Variants in RASA2 observed in about 807,000 individuals in gnomAD.
The protein encoded by RASA2 is RAS p21 protein activator 2, also known as ras GTPase-activating protein 2.
A neutral mutation model predicts 118.2 loss-of-function variants in RASA2; 155 were observed. The ratio of observed to expected loss-of-function variants is 1.31; its 90% CI spans 1.15 to 1.50. The LOEUF (loss-of-function observed/expected upper bound fraction) is 1.50. Ranked by LOEUF, RASA2 falls within the 40% of genes most tolerant of loss-of-function variation. RASA2 has a pLI of 0.00. For synonymous variants in RASA2, 353 were observed against 349.1 expected (o/e 1.01, Z -0.12); for missense variants, 1,016 against 1,009.6 (o/e 1.01, Z -0.09).
At chr3:141,565,655 C>T (rs1430695195) in intron 9 of RASA2, among the ~76,000 whole-genome samples, 21 of 152,202 alleles carry the variant, frequency 1.4e-4, no homozygotes. Flanking sequence ...TCTTTGTCTT[C>T]TGCCATGATT....
intron 5 of RASA2, among the ~76,000 whole-genome samples, chr3:141,549,515 T>TGTGTG (rs2082541404): frequency 7.8e-6 from 1 of 127,560 alleles, no homozygotes; most frequent in African/African-American, 3.3e-5. Context: ...GTGTGTGTGT[T>TGTGTG]TGCAATTCTC....
At chr3:141,512,789 G>A (rs1303088249) in intron 2 of RASA2, among the ~76,000 whole-genome samples, 1 of 152,178 alleles carries the variant, frequency 6.6e-6, no homozygotes, top group Non-Finnish European at 1.5e-5. Flanking sequence ...GAGGCCGGGC[G>A]TGGTGGCTCA....
At position 141,609,502 on chromosome 3, in the gene RASA2, C is replaced by T; in HGVS notation, c.2308C>T (p.Leu770Phe). The change falls in exon 22 of 24, where the codon CTT becomes TTT. Residue 770 changes from leucine (L) to phenylalanine (F), a missense_variant. Coordinates refer to ENST00000286364, the MANE Select transcript of RASA2 (RefSeq NM_006506.5). The part of the protein sequence containing the change: ...RIYSLFTLSL[L>F]KLQKMEEACG... Reference sequence around the variant, plus strand: ...TTATTCCCTTTTTACCCTCAGTTTACTTAAGCTGCAGAAGATGGAAGGTAA... The same window carrying T: ...TTATTCCCTTTTTACCCTCAGTTTATTTAAGCTGCAGAAGATGGAAGGTAA... 2 of 1,591,856 alleles carry T rather than the reference C, an allele frequency of 1.3e-6. No homozygotes were observed. Among genetic ancestry groups the T allele is most frequent in the Non-Finnish European group, 8.6e-7 (1 of 1,162,070 alleles).
intron 1 of RASA2, among the ~76,000 whole-genome samples, chr3:141,502,397 T>C (rs1222829427): frequency 6.6e-6 from 1 of 152,196 alleles, no homozygotes; most frequent in Non-Finnish European, 1.5e-5. Context: ...CTGAATAAAG[T>C]TAAACCTTAG....
At chr3:141,584,319 A>G (rs1390235309) in intron 17 of RASA2, among the ~76,000 whole-genome samples, 11 of 149,460 alleles carry the variant, frequency 7.4e-5, no homozygotes, top group African/African-American at 2.7e-4. Context: ...CGACAGAACA[A>G]AACTCCATCC....
intron 9 of RASA2, among the ~76,000 whole-genome samples, chr3:141,561,308 A>G (rs2082727119): frequency 6.6e-6 from 1 of 152,200 alleles, no homozygotes; most frequent in South Asian, 2.1e-4. Flanking sequence ...ATGAACTTGA[A>G]ATGTGCCACA....
At chr3:141,597,524 A>G (rs2083392349) in intron 19 of RASA2, among the ~76,000 whole-genome samples, 4 of 152,196 alleles carry the variant, frequency 2.6e-5, no homozygotes, top group African/African-American at 9.6e-5. Context: ...CTGTTCTAAA[A>G]TTGATTTATG....
intron 9 of RASA2, among the ~76,000 whole-genome samples, chr3:141,562,045 C>T (rs35195411): frequency 3.3e-5 from 5 of 151,984 alleles, no homozygotes; most frequent in African/African-American, 4.8e-5. Flanking sequence ...CTCCACCTCC[C>T]GGGTTCAAGT....
chr3:141,491,710 A>C (rs1302504037), intron 1 of RASA2, among the ~76,000 whole-genome samples: 1 of 152,222 alleles, frequency 6.6e-6, no homozygotes, highest in Non-Finnish European at 1.5e-5. Context: ...ATTGATGCCA[A>C]AGTTGCCTTG....
chr3:141,556,188 T>TAC (rs2082647319), intron 7 of RASA2, among the ~76,000 whole-genome samples: 1 of 152,208 alleles, frequency 6.6e-6, no homozygotes, highest in Non-Finnish European at 1.5e-5. Flanking sequence ...CACCCTCCCT[T>TAC]ACCCTACCCA....
chr3:141,488,831 C>A (rs568601577), intron 1 of RASA2, among the ~76,000 whole-genome samples: 1 of 152,260 alleles, frequency 6.6e-6, no homozygotes, highest in Admixed American at 6.5e-5. Context: ...TTACCACTTT[C>A]TTAGTGCCAC....
chr3:141,531,543 A>G (rs2082260916), intron 4 of RASA2, among the ~76,000 whole-genome samples: 1 of 151,870 alleles, frequency 6.6e-6, no homozygotes, highest in Non-Finnish European at 1.5e-5. Context: ...ATATACATAT[A>G]TATGCATATA....
In RASA2 at chr3:141,586,051, A is replaced by G; in HGVS notation, c.1779A>G (p.Glu593=). 6.2e-7 allele frequency: 1 copy of G among 1,611,146 alleles called. No homozygotes were observed. The highest frequency in any genetic ancestry group is 1.7e-5 in the Admixed American group (1 of 59,950). The part of the protein sequence containing the change: ...KKFLDEISST[E]TKESSGTSEP... ...TCTTGGATGAAATTTCATCTACTGA[A>G]ACTAAAGAGTCCAGTGGTACGAGTG... The change falls in exon 18 of 24, where the codon GAA becomes GAG. Residue 593 remains glutamate (E), a synonymous_variant. Coordinates refer to ENST00000286364, the MANE Select transcript of RASA2 (RefSeq NM_006506.5).
intron 19 of RASA2, among the ~76,000 whole-genome samples, chr3:141,593,975 G>A (rs2083325187): frequency 6.6e-6 from 1 of 152,156 alleles, no homozygotes; most frequent in South Asian, 2.1e-4. Context: ...AGTAGAAGTA[G>A]ACCCCTAGAT....
In RASA2 at chr3:141,512,163, G is replaced by A; in HGVS notation, c.134G>A (p.Cys45Tyr). Residue 45 changes from cysteine (C) to tyrosine (Y), a missense_variant and splice_region_variant, in exon 2 of 24, where the codon TGT (cysteine) becomes TAT (tyrosine). Physicochemically the swap from Cys to Tyr is radical, Grantham distance 194. Around this residue, in one of 2 missense-constraint regions of RASA2, gnomAD observed 896 missense variants for 836.4 expected, o/e 1.07. Transcript: ENST00000286364. ...ACAATTTTAAATTTTATGCCAACAG[G>A]TGAAGCAAAAAATTTATTGCCATAT... is the stretch of plus-strand genomic sequence containing the variant. Reference protein sequence around the residue: ...RVLQSLRGKICEAKNLLPYLG... With the variant: ...RVLQSLRGKIYEAKNLLPYLG... 1.2e-6 allele frequency: 2 copies of A among 1,601,438 alleles called. No homozygotes were observed. Among genetic ancestry groups the A allele is most frequent in the South Asian group, 1.1e-5 (1 of 89,708 alleles).
intron 1 of RASA2, among the ~76,000 whole-genome samples, chr3:141,511,232 T>A (rs2081946039): frequency 6.6e-6 from 1 of 152,172 alleles, no homozygotes; most frequent in Admixed American, 6.5e-5. Context: ...TTCTGGGACT[T>A]GTTAAATTTG....
At chr3:141,540,651 C>G (rs1212945601) in intron 5 of RASA2, 42 bp downstream of exon 5, 3 of 1,516,142 alleles carry the variant, frequency 2.0e-6, no homozygotes, top group Admixed American at 3.7e-5. Context: ...AAATAATTCT[C>G]CATTTTGTAT....
intron 1 of RASA2, among the ~76,000 whole-genome samples, chr3:141,503,403 T>G (rs1234217801): frequency 6.6e-6 from 1 of 152,250 alleles, no homozygotes; most frequent in African/African-American, 2.4e-5. Flanking sequence ...TTGAATTTAC[T>G]GTCTGATGAC....
chr3:141,565,667 C>T (rs910931651), intron 9 of RASA2, among the ~76,000 whole-genome samples: 16 of 152,246 alleles, frequency 1.1e-4, no homozygotes, highest in East Asian at 5.8e-4. Context: ...GCCATGATTG[C>T]GAGGTCTCCC....
Sources: allele counts gnomAD v4.1 joint callset (sites outside exome capture counted in the v4.1 genomes callset), GRCh38; gene constraint gnomAD v4.1.1; regional missense constraint gnomAD v4.1.1; transcripts MANE v1.5; gene names NCBI Gene and HGNC (gene_info 2026-07-23, HGNC 2026-07-21).